Variants in FIGNL2 observed in about 807,000 individuals in gnomAD.
FIGNL2 encodes the protein fidgetin like 2.
For missense variants in FIGNL2, 1,060 were observed against 950.2 expected (o/e 1.12, Z -1.52); for synonymous variants, 565 against 484.0 (o/e 1.17, Z -2.20).
At chr12:51,844,618 A>ATGAGG in intron 1 of FIGNL2, 1 of 823,782 alleles carries the variant, frequency 1.2e-6, no homozygotes, top group Non-Finnish European at 1.5e-6. Context: ...CACCTCACAG[A>ATGAGG]TGAGATACAG....
intron 1 of FIGNL2, among the ~76,000 whole-genome samples, chr12:51,833,624 G>A (rs1446780654): frequency 1.3e-5 from 2 of 151,646 alleles, no homozygotes; most frequent in Non-Finnish European, 3.0e-5. Context: ...CCGCCACGCT[G>A]CTTTCCACCT....
chr12:51,837,939 T>C (rs915393395), intron 1 of FIGNL2: 6 of 152,232 alleles, frequency 3.9e-5, no homozygotes, highest in African/African-American at 1.4e-4. Flanking sequence ...AGAAGGATTC[T>C]CTTTTAAACC....
intron 1 of FIGNL2, among the ~76,000 whole-genome samples, chr12:51,832,117 A>G (rs1939484273): frequency 6.6e-6 from 1 of 152,174 alleles, no homozygotes; most frequent in Admixed American, 6.5e-5. Context: ...CCTGGATTTA[A>G]GCAATTCTCC....
Position 51,820,450 on chromosome 12 carries a change from C to G in FIGNL2, c.*2G>C. ...GGCTCCCGCGGCCTCCCCCGCGCGC[C>G]GTCAGTGTCCGGAGCCGTACATTTT... is the stretch of plus-strand genomic sequence containing the variant. On this transcript the variant is annotated 3_prime_UTR_variant, in exon 2 of 2. Transcript: ENST00000618634. 1 of 1,586,252 alleles carries G rather than the reference C, an allele frequency of 6.3e-7. No individual in the cohort carries two copies. Among genetic ancestry groups the G allele is most frequent in the South Asian group, 1.1e-5 (1 of 88,500 alleles).
intron 1 of FIGNL2, among the ~76,000 whole-genome samples, chr12:51,834,087 A>ATGGGTGGATGGATGGTTGGATGGATG (rs1565946347): frequency 4.6e-5 from 6 of 129,086 alleles, no homozygotes; most frequent in African/African-American, 1.7e-4. Context: ...ATAGACAGAC[A>ATGGGTGGATGGATGGTTGGATGGATG]GACGGATGGG....
rs1459732149 is a variant in FIGNL2 at position 51,821,718 on chromosome 12, G to C, written c.696C>G (p.Thr232=). The C allele has an allele frequency of 4.5e-6, 6 of 1,333,082 alleles. No individual in the cohort carries two copies. The African/African-American group carries it at 4.6e-5, about 10-fold the overall frequency. 82.6% of individuals were successfully genotyped at this position (1,333,082 alleles called of 1,614,324 possible). Residue 232 remains threonine (T), a synonymous_variant, in exon 2 of 2, where the codon ACC becomes ACG. Coordinates refer to ENST00000618634, the MANE Select transcript of FIGNL2 (RefSeq NM_001384995.1). ...GGGGCGTGGGCGCGGGCAGGCCCGG[G>C]GTCAGGTAGGGGGCCGGGGGTGGGC... ...PPGPPPAPYL[T]PGLPAPTPLP... is the part of the protein sequence containing the mutation.
chr12:51,839,233 T>C (rs986084764), intron 1 of FIGNL2, among the ~76,000 whole-genome samples: 28 of 152,148 alleles, frequency 1.8e-4, no homozygotes, highest in African/African-American at 6.5e-4. Flanking sequence ...GTGAGAATCT[T>C]AGGACCCTCT....
intron 1 of FIGNL2, among the ~76,000 whole-genome samples, chr12:51,824,912 C>T (rs1006622899): frequency 6.6e-5 from 10 of 151,890 alleles, no homozygotes; most frequent in South Asian, 2.1e-4. Flanking sequence ...GGCGTAGTGG[C>T]GGGTGCCTGT....
intron 1 of FIGNL2, chr12:51,842,218 C>T (rs1482890871): frequency 6.6e-6 from 1 of 152,286 alleles, no homozygotes; most frequent in Non-Finnish European, 1.5e-5. Context: ...AAACTCAGGC[C>T]TGAGGAGGGC....
At chr12:51,846,060 T>C (rs1939744945) in intron 1 of FIGNL2, among the ~76,000 whole-genome samples, 1 of 152,178 alleles carries the variant, frequency 6.6e-6, no homozygotes, top group Non-Finnish European at 1.5e-5. Context: ...CCAGATTCCA[T>C]GCTATGCAGA....
chr12:51,827,043 C>G (rs951930429), intron 1 of FIGNL2, among the ~76,000 whole-genome samples: 2 of 152,274 alleles, frequency 1.3e-5, no homozygotes, highest in African/African-American at 4.8e-5. Flanking sequence ...TGCCTTCCTC[C>G]CCTAGCCCGC....
Position 51,829,863 on chromosome 12 carries a change from A to G in FIGNL2, c.-11-7439T>C, listed in dbSNP as rs571449953. 2.6e-5 allele frequency among the ~76,000 whole-genome samples: 4 copies of G among 152,228 alleles called. No individual in the cohort carries two copies. The East Asian group carries it at 7.7e-4, about 29-fold the overall frequency. On this transcript the variant is annotated intron_variant, in intron 1 of 1. Coordinates refer to ENST00000618634, the MANE Select transcript of FIGNL2 (RefSeq NM_001384995.1). ...GGAGGAGAAGAAAGGAAAAAAAGGA[A>G]TGAAAGAGAATGGGAAGGAGGAAGG... is the stretch of plus-strand genomic sequence containing the variant.
chr12:51,848,105 C>A, intron 1 of FIGNL2: 1 of 984,202 alleles, frequency 1.0e-6, no homozygotes, highest in Non-Finnish European at 1.2e-6. Context: ...ACAGGGGCCG[C>A]TGGACAAAGA....
intron 1 of FIGNL2, among the ~76,000 whole-genome samples, chr12:51,830,254 A>G (rs1231230836): frequency 6.6e-6 from 1 of 150,454 alleles, no homozygotes; most frequent in Non-Finnish European, 1.5e-5. Context: ...GCGCCACTGC[A>G]CTCCAGCCTG....
chr12:51,821,825 C>G lies in FIGNL2; in HGVS notation c.589G>C (p.Gly197Arg), dbSNP rs1447896559. 4 of 1,276,396 alleles carry G rather than the reference C, an allele frequency of 3.1e-6. No individual in the cohort carries two copies. The highest frequency in any genetic ancestry group is 1.6e-5 in the African/African-American group (1 of 63,848). The allele number at this position is 1,276,396 out of a possible 1,614,324, so 79.1% of individuals were successfully genotyped here. Residue 197 changes from glycine to arginine, a missense_variant, in exon 2 of 2, where the codon GGG becomes CGG. Gly to Arg is a moderately radical substitution (Grantham distance 125, BLOSUM62 -2). Transcript: ENST00000618634. ...LLQPPPPPGY[G>R]PSAPLYNYPA... Reference sequence around the variant, plus strand: ...TAGTTGTACAGCGGCGCTGAGGGCCCGTACCCCGGAGGCGGTGGGGGCTGC... The same window carrying G: ...TAGTTGTACAGCGGCGCTGAGGGCCGGTACCCCGGAGGCGGTGGGGGCTGC...
At chr12:51,836,649 GTCAC>G (rs1203083924) in intron 1 of FIGNL2, among the ~76,000 whole-genome samples, 1 of 152,126 alleles carries the variant, frequency 6.6e-6, no homozygotes, top group African/African-American at 2.4e-5. Flanking sequence ...TAGAAATGCA[GTCAC>G]TCTTGTGGTC....
Position 51,820,771 on chromosome 12 carries a change from C to A in FIGNL2, c.1643G>T (p.Arg548Leu). The change falls in exon 2 of 2, where the codon CGC becomes CTC. Residue 548 changes from arginine to leucine, a missense_variant. Arg to Leu is a moderately radical substitution (Grantham distance 102). Transcript: ENST00000618634. Reference protein sequence around the residue: ...PAALDEATRRRFSLRFYVALP... With the variant: ...PAALDEATRRLFSLRFYVALP... ...CGCCACGTAGAAGCGGAGAGAGAAGCGCCGGCGGGTCGCCTCGTCCAGAGC... is the reference window on the plus strand; with the variant it reads ...CGCCACGTAGAAGCGGAGAGAGAAGAGCCGGCGGGTCGCCTCGTCCAGAGC... 1 of 1,482,838 alleles carries A rather than the reference C, an allele frequency of 6.7e-7. No individual in the cohort carries two copies. Among genetic ancestry groups the A allele is most frequent in the Non-Finnish European group, 8.9e-7 (1 of 1,125,396 alleles). 91.9% of individuals were successfully genotyped at this position (1,482,838 alleles called of 1,614,324 possible).
chr12:51,847,963 A>C (rs1395325015), intron 1 of FIGNL2, among the ~76,000 whole-genome samples: 1 of 151,932 alleles, frequency 6.6e-6, no homozygotes, highest in African/African-American at 2.4e-5. Flanking sequence ...GGGCCAGAGG[A>C]GAAGACATGA....
At chr12:51,841,143 G>A (rs980816966) in intron 1 of FIGNL2, among the ~76,000 whole-genome samples, 1 of 152,206 alleles carries the variant, frequency 6.6e-6, no homozygotes, top group African/African-American at 2.4e-5. Flanking sequence ...TATGCAGCCC[G>A]GCCGGTCCAC....
Sources: gnomAD v4.1 joint callset for allele counts (sites outside exome capture counted in the v4.1 genomes callset) on GRCh38, gnomAD v4.1.1 for gene constraint, MANE v1.5 for transcripts, NCBI Gene and HGNC (gene_info 2026-07-23, HGNC 2026-07-21) for gene names.